CLDN16: variants seen among roughly 807,000 people sequenced by gnomAD.
CLDN16 encodes the protein claudin-16.
A neutral mutation model predicts 24.6 loss-of-function variants in CLDN16; 13 were observed. That is an observed-to-expected ratio of 0.53 (90% CI 0.34 to 0.84). The LOEUF (loss-of-function observed/expected upper bound fraction) is 0.84, where lower values mean the gene tolerates loss of function less well. Ranked by LOEUF, CLDN16 falls within the 40% of genes least tolerant of loss-of-function variation. The pLI is 0.01. For missense variants in CLDN16, 298 were observed against 292.7 expected, an observed-to-expected ratio of 1.02 and a Z score of -0.13; for synonymous variants, 116 against 106.7, an observed-to-expected ratio of 1.09 and a Z score of -0.54.
chr3:190,326,819 G>T (rs564330523), intron 1 of CLDN16, among the ~76,000 whole-genome samples: 10 of 152,232 alleles, frequency 6.6e-5, no homozygotes, highest in Non-Finnish European at 1.3e-4. Context: ...AGTCATAAAA[G>T]GTTACCTTGA....
chr3:190,349,808 GAA>G (rs1717632925), intron 1 of CLDN16, among the ~76,000 whole-genome samples: 1 of 152,168 alleles, frequency 6.6e-6, no homozygotes, highest in South Asian at 2.1e-4. Flanking sequence ...GAAGGAAAAT[GAA>G]AGATTTCTCA....
the CLDN16 span, among the ~76,000 whole-genome samples, chr3:190,315,733 C>T: frequency 6.6e-6 from 1 of 152,116 alleles, no homozygotes. Flanking sequence ...CCAAACTGGA[C>T]CAGTTTATAG....
At chr3:190,358,620 C>G (rs1480758913) in intron 1 of CLDN16, among the ~76,000 whole-genome samples, 1 of 151,690 alleles carries the variant, frequency 6.6e-6, no homozygotes, top group East Asian at 1.9e-4. Context: ...CTGTTTATTC[C>G]CAAGATTTCA....
intron 2 of CLDN16, chr3:190,371,038 A>ATATATATATATATATATATG (rs1718130760): frequency 1.2e-3 from 3 of 2,448 alleles, no homozygotes; most frequent in Admixed American, 0.012. Flanking sequence ...ATATATATAT[A>ATATATATATATATATATATG]TAAAATATAT....
chr3:190,370,667 T>C (rs1456768161), intron 1 of CLDN16, among the ~76,000 whole-genome samples: 1 of 151,914 alleles, frequency 6.6e-6, no homozygotes, highest in African/African-American at 2.4e-5. Flanking sequence ...AGTGTCAACT[T>C]GACTGGATTG....
intron 2 of CLDN16, among the ~76,000 whole-genome samples, chr3:190,373,143 T>TG (rs567213181): frequency 8.5e-4 from 130 of 152,092 alleles, no homozygotes; most frequent in African/African-American, 2.9e-3. Flanking sequence ...TTTTAACAGC[T>TG]GAGAAGTCCC....
At chr3:190,377,898 G>A (rs115693891) in intron 3 of CLDN16, among the ~76,000 whole-genome samples, 1,537 of 152,064 alleles carry the variant, frequency 0.01, 29 homozygotes, top group African/African-American at 0.034. Flanking sequence ...AGGAATTCCT[G>A]AACAAGAGTA....
the CLDN16 span, among the ~76,000 whole-genome samples, chr3:190,308,912 T>C: frequency 6.6e-6 from 1 of 152,190 alleles, no homozygotes; most frequent in Non-Finnish European, 1.5e-5. Flanking sequence ...ATCCAAATCT[T>C]ATGGTTTTGT....
chr3:190,403,231 CTG>C (rs935124068), intron 2 of CLDN16, among the ~76,000 whole-genome samples: 9 of 152,024 alleles, frequency 5.9e-5, no homozygotes, highest in African/African-American at 2.2e-4. Flanking sequence ...AGTCAGGAGA[CTG>C]AGGCAGGAGA....
intron 4 of CLDN16, among the ~76,000 whole-genome samples, chr3:190,409,377 C>A (rs998867162): frequency 2.0e-5 from 3 of 149,752 alleles, no homozygotes; most frequent in African/African-American, 4.9e-5. Context: ...ACAATTATAC[C>A]TTTATAATTG....
chr3:190,356,666 T>C lies in CLDN16; in HGVS notation n.122-14227T>C, dbSNP rs988727034. Among the ~76,000 whole-genome samples the C allele has an allele frequency of 3.9e-5, 6 of 151,950 alleles. No homozygotes were observed. The South Asian group carries it at 8.3e-4, about 21-fold the overall frequency. On this transcript the variant is annotated intron_variant and non_coding_transcript_variant, in intron 1 of 4. Coordinates refer to the CLDN16 transcript ENST00000468220. The stretch of plus-strand genomic sequence containing the variant: ...TAGGGATATAATATTCAATGAGTGA[T>C]ATTGAGATAGCTCTCTATTTTGAAG...
intron 1 of CLDN16, among the ~76,000 whole-genome samples, chr3:190,323,180 T>C: frequency 6.6e-6 from 1 of 152,176 alleles, no homozygotes; most frequent in South Asian, 2.1e-4. Flanking sequence ...CTAGCAGCCC[T>C]TCCCCGCCAA....
the CLDN16 span, among the ~76,000 whole-genome samples, chr3:190,309,425 C>A: frequency 6.6e-6 from 1 of 152,178 alleles, no homozygotes; most frequent in Non-Finnish European, 1.5e-5. Flanking sequence ...TCTTATCTCT[C>A]CAAACACTGA....
In CLDN16 at chr3:190,373,351, T is replaced by C. The variant is rs188107287; in HGVS notation, n.231-1177T>C. On this transcript the variant is annotated intron_variant and non_coding_transcript_variant, in intron 2 of 4. Transcript: ENST00000468220. ...AGCCAGCAAATTCTTACTTTACACC[T>C]ACGACCACAGCAGCATTTTATGAAC... 1.9e-4 allele frequency among the ~76,000 whole-genome samples: 29 copies of C among 152,088 alleles called. No individual in the cohort carries two copies. In the East Asian group the frequency reaches 5.3e-3, roughly 28 times the overall value.
chr3:190,377,991 A>G (rs1270118219), intron 3 of CLDN16, among the ~76,000 whole-genome samples: 1 of 151,988 alleles, frequency 6.6e-6, no homozygotes, highest in Non-Finnish European at 1.5e-5. Context: ...GTAGAAGTCT[A>G]TATTGCATAG....
intron 3 of CLDN16, among the ~76,000 whole-genome samples, chr3:190,378,109 G>A (rs1045226070): frequency 1.3e-5 from 2 of 151,936 alleles, no homozygotes; most frequent in Non-Finnish European, 2.9e-5. Flanking sequence ...CCAATCATCT[G>A]TTTCCTTGTC....
chr3:190,315,096 C>G, the CLDN16 span, among the ~76,000 whole-genome samples: 1 of 152,170 alleles, frequency 6.6e-6, no homozygotes, highest in Non-Finnish European at 1.5e-5. Context: ...TTTGCAAAGG[C>G]TATCATTATT....
chr3:190,309,717 G>A, the CLDN16 span, among the ~76,000 whole-genome samples: 3 of 152,128 alleles, frequency 2.0e-5, no homozygotes, highest in Non-Finnish European at 4.4e-5. Flanking sequence ...ATAGCTTTAC[G>A]TGTAAAAATG....
intron 1 of CLDN16, among the ~76,000 whole-genome samples, chr3:190,363,596 A>ATATATATATATATATATATATATATATT (rs1460049752): frequency 7.6e-6 from 1 of 131,182 alleles, no homozygotes. Context: ...ATATATATAT[A>ATATATATATATATATATATATATATATT]TTTTCTTTCT....
Sources: gnomAD v4.1 joint callset for allele counts (sites outside exome capture counted in the v4.1 genomes callset) on GRCh38, gnomAD v4.1.1 for gene constraint, MANE v1.5 for transcripts, NCBI Gene and HGNC (gene_info 2026-07-23, HGNC 2026-07-21) for gene names.